Variants in PRKG1 observed in about 807,000 individuals in gnomAD.
PRKG1 encodes protein kinase cGMP-dependent 1.
Under a neutral mutation model 88.1 loss-of-function variants are expected in PRKG1, and 35 were observed. The ratio of observed to expected loss-of-function variants is 0.40; its 90% CI spans 0.30 to 0.53. The LOEUF is 0.53. Among genes scored for constraint, PRKG1 ranks in the 20% least tolerant of loss-of-function variants. The pLI is 0.59. For missense variants in PRKG1, 540 were observed against 839.8 expected, an observed-to-expected ratio of 0.64 and a Z score of 4.41; for synonymous variants, 303 against 292.5, an observed-to-expected ratio of 1.04 and a Z score of -0.37.
Position 52,068,350 on chromosome 10 carries a change from A to G in PRKG1, c.935+5719A>G, listed in dbSNP as rs1294691297. Among the ~76,000 whole-genome samples, 7 of 152,244 alleles carry G rather than the reference A, an allele frequency of 4.6e-5. No individual in the cohort carries two copies. In the East Asian group the frequency reaches 1.4e-3, roughly 29 times the overall value. ...AATATGGTAGACCAAGTTGTACCCA[A>G]AAGGGATGGGATTAAGCTCCCAGTA... is the stretch of plus-strand genomic sequence containing the variant. On this transcript the variant is annotated intron_variant, in intron 7 of 17. Coordinates refer to ENST00000373980, the MANE Select transcript of PRKG1 (RefSeq NM_006258.4).
At chr10:52,053,054 T>C (rs1014486700) in intron 5 of PRKG1, among the ~76,000 whole-genome samples, 2 of 152,206 alleles carry the variant, frequency 1.3e-5, no homozygotes, top group African/African-American at 4.8e-5. Flanking sequence ...AATAAATCAG[T>C]TGAAGAATAT....
At chr10:51,189,379 G>T (rs192287805) in intron 2 of PRKG1, among the ~76,000 whole-genome samples, 1 of 151,798 alleles carries the variant, frequency 6.6e-6, no homozygotes, top group African/African-American at 2.4e-5. Flanking sequence ...ACAGGGAACC[G>T]AATTAAAGAA....
At chr10:51,334,152 TTCTCTCTCTCTCTCTC>T (rs10568175) in intron 2 of PRKG1, among the ~76,000 whole-genome samples, 69 of 137,104 alleles carry the variant, frequency 5.0e-4, no homozygotes, top group South Asian at 7.2e-4. Context: ...CTCTCTCTCT[TTCTCTCTCTCTCTCTC>T]TCTCTCTCTC....
chr10:51,063,415 A>C (rs1289368085), intron 1 of PRKG1, among the ~76,000 whole-genome samples: 1 of 152,250 alleles, frequency 6.6e-6, no homozygotes, highest in Non-Finnish European at 1.5e-5. Context: ...GCTATATAGC[A>C]TGTGACTGTA....
At chr10:51,734,832 G>A (rs1837222525) in intron 3 of PRKG1, among the ~76,000 whole-genome samples, 1 of 152,060 alleles carries the variant, frequency 6.6e-6, no homozygotes, top group Admixed American at 6.6e-5. Context: ...TCTGAAAATG[G>A]GCTATTGTTC....
At chr10:51,106,881 G>C (rs1844848771) in intron 1 of PRKG1, among the ~76,000 whole-genome samples, 1 of 151,996 alleles carries the variant, frequency 6.6e-6, no homozygotes, top group Admixed American at 6.6e-5. Context: ...ATGATGTCAG[G>C]GACACAATAG....
intron 14 of PRKG1, among the ~76,000 whole-genome samples, chr10:52,287,709 A>T (rs1344847829): frequency 1.3e-5 from 2 of 151,620 alleles, no homozygotes; most frequent in East Asian, 3.9e-4. Context: ...AAAAAAAAAA[A>T]AAAAAAAAAA....
intron 5 of PRKG1, among the ~76,000 whole-genome samples, chr10:51,998,383 A>G (rs1844506802): frequency 6.6e-6 from 1 of 152,186 alleles, no homozygotes; most frequent in African/African-American, 2.4e-5. Context: ...GTGTTCAACA[A>G]ATACCCCTAG....
chr10:51,357,349 G>A (rs1842387762), intron 2 of PRKG1, among the ~76,000 whole-genome samples: 1 of 151,948 alleles, frequency 6.6e-6, no homozygotes, highest in African/African-American at 2.4e-5. Context: ...ACTTCCCTGA[G>A]AGGGAAAGCA....
chr10:51,515,406 A>C (rs962262113), intron 3 of PRKG1, among the ~76,000 whole-genome samples: 5 of 152,186 alleles, frequency 3.3e-5, no homozygotes. Context: ...TGCAGCATGG[A>C]TAGTGTGGTA....
At position 51,407,835 on chromosome 10, in the gene PRKG1, A is replaced by T. The variant is rs146979257; in HGVS notation, c.479-59888A>T. On this transcript the variant is annotated intron_variant, in intron 2 of 17. Transcript: ENST00000373980. Reference sequence around the variant, plus strand: ...ATACTCTTCCTTACCTCCATTGTGGAGTAGTAGACTGATTTCATCTTGATA... The same window carrying T: ...ATACTCTTCCTTACCTCCATTGTGGTGTAGTAGACTGATTTCATCTTGATA... Among the ~76,000 whole-genome samples, 56 of 152,266 alleles carry T rather than the reference A, an allele frequency of 3.7e-4. No individual in the cohort carries two copies. In the East Asian group the frequency reaches 6.6e-3, roughly 18 times the overall value.
At chr10:51,335,539 A>AT (rs758933282) in intron 2 of PRKG1, among the ~76,000 whole-genome samples, 72 of 149,094 alleles carry the variant, frequency 4.8e-4, no homozygotes, top group Middle Eastern at 6.9e-3. Context: ...TATGCTACAT[A>AT]TTTTTTTTTT....
chr10:52,083,531 T>C (rs1846833607), intron 7 of PRKG1, among the ~76,000 whole-genome samples: 1 of 152,084 alleles, frequency 6.6e-6, no homozygotes, highest in African/African-American at 2.4e-5. Context: ...TAAATAGTGT[T>C]ACAGAAGTTT....
chr10:51,146,179 ACT>A (rs1036257499), intron 1 of PRKG1, among the ~76,000 whole-genome samples: 2 of 145,282 alleles, frequency 1.4e-5, no homozygotes, highest in South Asian at 2.2e-4. Context: ...ACAGAACAAG[ACT>A]CTGTCTCAAA....
At chr10:52,098,922 AG>A (rs1180603380) in intron 7 of PRKG1, among the ~76,000 whole-genome samples, 1 of 152,204 alleles carries the variant, frequency 6.6e-6, no homozygotes, top group African/African-American at 2.4e-5. Context: ...TTATAATAAA[AG>A]AATCCAAATG....
chr10:51,697,574 G>A (rs1841331210), intron 3 of PRKG1: 8 of 918,942 alleles, frequency 8.7e-6, no homozygotes, highest in East Asian at 5.3e-5. Context: ...CAAAAAATAA[G>A]ATTAGGTTCT....
At chr10:51,745,692 G>A (rs1837557887) in intron 3 of PRKG1, among the ~76,000 whole-genome samples, 1 of 152,114 alleles carries the variant, frequency 6.6e-6, no homozygotes, top group Admixed American at 6.6e-5. Flanking sequence ...GATAGTTAAT[G>A]ATATTGTCAT....
chr10:51,970,417 T>G (rs1420129159), intron 5 of PRKG1, among the ~76,000 whole-genome samples: 1 of 151,562 alleles, frequency 6.6e-6, no homozygotes. Flanking sequence ...TATGACATTA[T>G]ATAAAGAATA....
intron 3 of PRKG1, among the ~76,000 whole-genome samples, chr10:51,706,553 G>A (rs1053435018): frequency 6.6e-6 from 1 of 151,798 alleles, no homozygotes; most frequent in African/African-American, 2.4e-5. Flanking sequence ...AGAAAATGAC[G>A]CCCAGGAAAG....
Sources: gnomAD v4.1 joint callset for allele counts (sites outside exome capture counted in the v4.1 genomes callset) on GRCh38, gnomAD v4.1.1 for gene constraint, MANE v1.5 for transcripts, NCBI Gene and HGNC (gene_info 2026-07-23, HGNC 2026-07-21) for gene names.